RANBP2: variants seen among roughly 807,000 people sequenced by gnomAD.
RANBP2 encodes RAN binding protein 2, also known as E3 SUMO-protein ligase RanBP2.
In RANBP2, 57 loss-of-function variants were observed where a neutral mutation model predicts 303.6. The ratio of observed to expected loss-of-function variants is 0.19; its 90% CI spans 0.15 to 0.23. The LOEUF is 0.23. RANBP2 is among the 10% of genes least tolerant of loss of function. RANBP2 has a pLI of 1.00. For missense variants in RANBP2, 3,138 were observed against 3,780.8 expected (o/e 0.83, Z 4.46); for synonymous variants, 1,167 against 1,301.5 (o/e 0.90, Z 2.23).
the RANBP2 span, among the ~76,000 whole-genome samples, chr2:109,607,669 T>C: frequency 7.2e-5 from 11 of 151,976 alleles, no homozygotes; most frequent in African/African-American, 2.7e-4. Flanking sequence ...CCTGAGGGGG[T>C]AATAATGAAA....
the RANBP2 span, chr2:108,912,800 G>A: frequency 6.5e-7 from 1 of 1,530,812 alleles, no homozygotes; most frequent in Non-Finnish European, 8.9e-7. Flanking sequence ...ATGATCCAGA[G>A]AAGCTCCACC....
chr2:108,982,799 C>G, the RANBP2 span, among the ~76,000 whole-genome samples: 1 of 152,090 alleles, frequency 6.6e-6, no homozygotes, highest in East Asian at 1.9e-4. Flanking sequence ...TACGTCTGCC[C>G]GTAAAATGAG....
the RANBP2 span, among the ~76,000 whole-genome samples, chr2:109,377,719 A>G: frequency 1.3e-5 from 2 of 152,222 alleles, no homozygotes; most frequent in African/African-American, 2.4e-5. Flanking sequence ...TCTTCAGCAC[A>G]ATGATGATAG....
chr2:109,087,501 A>T, the RANBP2 span, among the ~76,000 whole-genome samples: 1 of 152,058 alleles, frequency 6.6e-6, no homozygotes, highest in Non-Finnish European at 1.5e-5. Context: ...CTCCATAACC[A>T]AGGGGCTTTG....
the RANBP2 span, among the ~76,000 whole-genome samples, chr2:109,526,874 T>G: frequency 6.6e-6 from 1 of 152,082 alleles, no homozygotes; most frequent in Non-Finnish European, 1.5e-5. Flanking sequence ...CCTACAAATG[T>G]GTTCTCAGAG....
the RANBP2 span, chr2:108,876,393 AAAATG>A: frequency 1.9e-6 from 1 of 512,890 alleles, no homozygotes; most frequent in Non-Finnish European, 3.3e-6. Context: ...TTGAACTGTA[AAAATG>A]AAATCTGTAG....
Position 108,763,979 on chromosome 2 carries a change from T to C in RANBP2, c.3440T>C (p.Leu1147Ser), listed in dbSNP as rs755539573. The change falls in exon 20 of 29, where the codon TTA becomes TCA. Residue 1147 changes from leucine (L) to serine (S), a missense_variant. This residue lies in a region of RANBP2 where 403 missense variants were observed against 376.7 expected (regional missense o/e 1.07). Coordinates refer to ENST00000283195, the MANE Select transcript of RANBP2 (RefSeq NM_006267.5). ...PGKSVFGTPT[L>S]ETANKNHETD... ...AAATCAGTATTTGGAACACCCACTT[T>C]AGAGACAGCAAACAAGAATCATGAG... is the stretch of plus-strand genomic sequence containing the variant. The C allele has an allele frequency of 3.1e-6, 5 of 1,613,970 alleles. No homozygotes were observed. The highest frequency in any genetic ancestry group is 1.1e-5 in the South Asian group (1 of 91,076).
chr2:109,721,148 C>G, the RANBP2 span, among the ~76,000 whole-genome samples: 1 of 152,230 alleles, frequency 6.6e-6, no homozygotes, highest in African/African-American at 2.4e-5. Flanking sequence ...CAAGTTCCTT[C>G]TTGAAGACTT....
At chr2:109,138,183 C>T in the RANBP2 span, among the ~76,000 whole-genome samples, 18 of 152,154 alleles carry the variant, frequency 1.2e-4, no homozygotes, top group East Asian at 3.9e-4. Flanking sequence ...GCCCGGCTAA[C>T]GCCCGGCTAA....
At chr2:109,593,595 G>A in the RANBP2 span, among the ~76,000 whole-genome samples, 1 of 152,026 alleles carries the variant, frequency 6.6e-6, no homozygotes, top group African/African-American at 2.4e-5. Context: ...TAGCAGAGAC[G>A]GGGTTTCACC....
At chr2:109,106,734 G>C in the RANBP2 span, among the ~76,000 whole-genome samples, 1 of 152,082 alleles carries the variant, frequency 6.6e-6, no homozygotes, top group East Asian at 2.0e-4. Flanking sequence ...CTACTCAGGA[G>C]GCTGAGGCAG....
At chr2:108,783,552 T>C (rs1030279847) in intron 28 of RANBP2, 44 bp from the exon 29 acceptor site, 3 of 1,457,770 alleles carry the variant, frequency 2.1e-6, no homozygotes, top group Non-Finnish European at 2.8e-6. Context: ...TTCCTATTAA[T>C]TGAAAAAAAT....
chr2:109,536,796 C>T, the RANBP2 span, among the ~76,000 whole-genome samples: 8 of 152,090 alleles, frequency 5.3e-5, no homozygotes, highest in Admixed American at 6.6e-5. Context: ...ATCATGGGGA[C>T]GTCTTTCCTG....
At chr2:109,168,627 CA>C in the RANBP2 span, among the ~76,000 whole-genome samples, 1 of 151,900 alleles carries the variant, frequency 6.6e-6, no homozygotes, top group Non-Finnish European at 1.5e-5. Flanking sequence ...AAGAATCTTA[CA>C]AATCGATGCC....
the RANBP2 span, chr2:108,798,403 A>G: frequency 1.0e-5 from 16 of 1,597,936 alleles, no homozygotes; most frequent in Admixed American, 1.1e-4. Flanking sequence ...TTTCAAGAGC[A>G]TTAAAGTCTG....
chr2:108,767,621 A>G lies in RANBP2; in HGVS notation c.7082A>G (p.Gln2361Arg). 6.2e-7 allele frequency: 1 copy of G among 1,612,012 alleles called. No homozygotes were observed. The change falls in exon 20 of 29, where the codon CAG (glutamine) becomes CGG (arginine). Residue 2361 changes from glutamine (Q) to arginine (R), a missense_variant. Physicochemically the swap from Gln to Arg is conservative, Grantham distance 43. Coordinates refer to ENST00000283195, the MANE Select transcript of RANBP2 (RefSeq NM_006267.5). ...ERGIGDIKIL[Q>R]NYDNKQVRIV... is the part of the protein sequence containing the mutation. The stretch of plus-strand genomic sequence containing the variant: ...GGCATTGGTGATATAAAGATTTTAC[A>G]GAATTATGATAATAAGCAAGTTCGT...
chr2:109,066,151 C>T, the RANBP2 span, among the ~76,000 whole-genome samples: 1 of 151,980 alleles, frequency 6.6e-6, no homozygotes, highest in Non-Finnish European at 1.5e-5. Flanking sequence ...CTCTGTCCCC[C>T]AGGCTGGAGT....
the RANBP2 span, among the ~76,000 whole-genome samples, chr2:109,387,563 C>G: frequency 6.6e-6 from 1 of 152,196 alleles, no homozygotes; most frequent in Non-Finnish European, 1.5e-5. Context: ...GGGGCCAGCT[C>G]CCTCCCACAT....
At chr2:109,632,317 T>G in the RANBP2 span, among the ~76,000 whole-genome samples, 20 of 152,222 alleles carry the variant, frequency 1.3e-4, no homozygotes, top group South Asian at 3.9e-3. Flanking sequence ...ACTCCCAAAT[T>G]TGGAGTCAGA....
Sources: gnomAD v4.1 joint callset for allele counts (sites outside exome capture counted in the v4.1 genomes callset) on GRCh38, gnomAD v4.1.1 for gene constraint, gnomAD v4.1.1 regional missense constraint, MANE v1.5 for transcripts, NCBI Gene and HGNC (gene_info 2026-07-23, HGNC 2026-07-21) for gene names.